The following GNG2 variants were observed in gnomAD, a reference collection of about 807,000 sequenced individuals.
GNG2 encodes G protein subunit gamma 2.
Under a neutral mutation model 5.5 loss-of-function variants are expected in GNG2, and 5 were observed. That is an observed-to-expected ratio of 0.91 (90% confidence interval 0.48 to 1.92). The LOEUF is 1.92. Ranked by LOEUF, GNG2 falls within the 30% of genes most tolerant of loss-of-function variation. The probability of loss-of-function intolerance (pLI) is 0.01; values close to 1 mark genes in which losing one functional copy is unlikely to be tolerated. For synonymous variants in GNG2, 28 were observed against 32.0 expected, an observed-to-expected ratio of 0.88 and a Z score of 0.42; for missense variants, 55 against 88.4, an observed-to-expected ratio of 0.62 and a Z score of 1.52.
chr14:51,960,816 G>A (rs1323790287), intron 3 of GNG2, among the ~76,000 whole-genome samples: 1 of 152,074 alleles, frequency 6.6e-6, no homozygotes, highest in Non-Finnish European at 1.5e-5. Flanking sequence ...CTTGTGTGCT[G>A]GGAAGCCTTT....
At chr14:51,895,232 T>TA (rs1224536612) in intron 2 of GNG2, among the ~76,000 whole-genome samples, 1 of 152,062 alleles carries the variant, frequency 6.6e-6, no homozygotes, top group Non-Finnish European at 1.5e-5. Context: ...CAGAATCAAA[T>TA]AAAAAATTGG....
upstream of GNG2, among the ~76,000 whole-genome samples, chr14:51,857,004 G>A (rs1882193103): frequency 6.6e-6 from 1 of 152,118 alleles, no homozygotes; most frequent in Non-Finnish European, 1.5e-5. Context: ...TGGAATTTCT[G>A]CCAATGATGC....
chr14:51,957,634 C>T (rs778955708), intron 3 of GNG2, among the ~76,000 whole-genome samples: 3 of 152,176 alleles, frequency 2.0e-5, no homozygotes, highest in African/African-American at 4.8e-5. Flanking sequence ...GAAATTAACA[C>T]TGACCCATTA....
intron 2 of GNG2, chr14:51,841,669 G>A: frequency 1.6e-6 from 1 of 629,994 alleles, no homozygotes; most frequent in Non-Finnish European, 2.9e-6. Context: ...AAAAGGGAAG[G>A]GTAGGATGGA....
intron 3 of GNG2, 67 bp from the exon 4 acceptor site, chr14:51,966,492 C>G (rs1889928430): frequency 6.9e-7 from 1 of 1,441,500 alleles, no homozygotes; most frequent in Admixed American, 1.7e-5. Flanking sequence ...ACATTGGGCT[C>G]TAAAGCCTTG....
intron 2 of GNG2, chr14:51,917,323 G>T (rs2140216300): frequency 4.4e-6 from 2 of 455,988 alleles, no homozygotes; most frequent in Non-Finnish European, 8.8e-6. Context: ...TTTTTCCATA[G>T]CTGTACTTAC....
At chr14:51,836,914 G>C (rs112867192) in intron 2 of GNG2, among the ~76,000 whole-genome samples, 1 of 145,526 alleles carries the variant, frequency 6.9e-6, no homozygotes, top group Non-Finnish European at 1.5e-5. Context: ...CCAGAGTGCA[G>C]TGGCATGATC....
intron 3 of GNG2, among the ~76,000 whole-genome samples, chr14:51,959,694 A>G (rs972373023): frequency 1.3e-5 from 2 of 149,738 alleles, no homozygotes; most frequent in East Asian, 3.9e-4. Context: ...GTCACCATTT[A>G]TTTTATTGTA....
chr14:51,833,118 G>A (rs956780027), intron 2 of GNG2, among the ~76,000 whole-genome samples: 13 of 152,140 alleles, frequency 8.5e-5, no homozygotes, highest in Non-Finnish European at 1.3e-4. Context: ...CAGGGGCAGG[G>A]GATGGGGGAG....
At chr14:51,828,118 T>C (rs1255629287) in intron 2 of GNG2, among the ~76,000 whole-genome samples, 1 of 152,184 alleles carries the variant, frequency 6.6e-6, no homozygotes, top group African/African-American at 2.4e-5. Flanking sequence ...TGTGGCTGAT[T>C]GTGCAGACAG....
chr14:51,845,442 T>G (rs537607534), intron 2 of GNG2, among the ~76,000 whole-genome samples: 2 of 152,336 alleles, frequency 1.3e-5, no homozygotes, highest in African/African-American at 4.8e-5. Flanking sequence ...TGCAGTGAGC[T>G]GAGATCATAC....
chr14:51,854,766 G>A (rs1882075743), intron 2 of GNG2, among the ~76,000 whole-genome samples: 1 of 152,100 alleles, frequency 6.6e-6, no homozygotes, highest in Admixed American at 6.5e-5. Flanking sequence ...TCCTACCTTG[G>A]CCTCCCAAGG....
chr14:51,841,050 A>G (rs972663603), intron 2 of GNG2, among the ~76,000 whole-genome samples: 4 of 152,182 alleles, frequency 2.6e-5, no homozygotes, highest in African/African-American at 9.7e-5. Flanking sequence ...ATAATATGAA[A>G]CCCAAGATCA....
rs141736034 is a variant in GNG2, at chr14:51,920,174, A to G, written c.-29-30476A>G. Among the ~76,000 whole-genome samples the G allele has an allele frequency of 6.5e-3, 995 of 152,262 alleles. 12 individuals carry two copies. Among genetic ancestry groups the G allele is most frequent in the African/African-American group, 0.023 (953 of 41,530 alleles). On this transcript the variant is annotated intron_variant, in intron 2 of 3. Transcript: ENST00000556766. Reference sequence around the variant, plus strand: ...GTAGAACCTGCAGATACTGAGGACCATATCTGGAACTAACGCAGGACTGAC... The same window carrying G: ...GTAGAACCTGCAGATACTGAGGACCGTATCTGGAACTAACGCAGGACTGAC...
chr14:51,905,984 G>T (rs1469429048), intron 2 of GNG2, among the ~76,000 whole-genome samples: 1 of 152,204 alleles, frequency 6.6e-6, no homozygotes, highest in Non-Finnish European at 1.5e-5. Context: ...TCAGTCTTGG[G>T]TATGTCTTTA....
At chr14:51,862,855 GC>G (rs1882611339) in intron 1 of GNG2, among the ~76,000 whole-genome samples, 1 of 152,200 alleles carries the variant, frequency 6.6e-6, no homozygotes, top group Non-Finnish European at 1.5e-5. Context: ...AGATGAATAT[GC>G]TTCTACATTG....
At chr14:51,897,342 T>C (rs1885263080) in intron 2 of GNG2, among the ~76,000 whole-genome samples, 2 of 152,204 alleles carry the variant, frequency 1.3e-5, no homozygotes, top group South Asian at 4.1e-4. Context: ...AATGAGACTT[T>C]GTAATGTCAG....
chr14:51,876,100 G>A (rs1462521651), intron 1 of GNG2, among the ~76,000 whole-genome samples: 3 of 151,842 alleles, frequency 2.0e-5, no homozygotes, highest in East Asian at 3.9e-4. Flanking sequence ...ACCATGCCTG[G>A]CTAACTTTTG....
At chr14:51,926,948 A>C (rs895567139) in intron 2 of GNG2, among the ~76,000 whole-genome samples, 1 of 152,206 alleles carries the variant, frequency 6.6e-6, no homozygotes, top group Non-Finnish European at 1.5e-5. Context: ...AATTTCATTT[A>C]AGTGGACAGT....
Sources: allele counts gnomAD v4.1 joint callset (sites outside exome capture counted in the v4.1 genomes callset), GRCh38; gene constraint gnomAD v4.1.1; transcripts MANE v1.5; gene names NCBI Gene and HGNC (gene_info 2026-07-23, HGNC 2026-07-21).